NCOR2: variants seen among roughly 807,000 people sequenced by gnomAD.
The protein encoded by NCOR2 is nuclear receptor corepressor 2.
A neutral mutation model predicts 262.9 loss-of-function variants in NCOR2; 81 were observed. That is an observed-to-expected ratio of 0.31 (90% CI 0.26 to 0.37). NCOR2 has a LOEUF of 0.37. NCOR2 is among the 10% of genes least tolerant of loss of function. NCOR2 has a pLI of 1.00. For missense variants in NCOR2, 3,385 were observed against 3,621.4 expected (o/e 0.93, Z 1.68); for synonymous variants, 1,659 against 1,559.3 (o/e 1.06, Z -1.51).
rs556019337 is a variant in NCOR2, at chr12:124,358,010, A to G, written c.3101-1228T>C. 3.1e-5 allele frequency among the ~76,000 whole-genome samples: 4 copies of G among 129,444 alleles called. No homozygotes were observed. In the East Asian group the frequency reaches 7.6e-4, roughly 24 times the overall value. 84.9% of individuals were successfully genotyped at this position (129,444 alleles called of 152,430 possible). ...GGTAACCTGTGGTGTGTGTGTGTGC[A>G]CACGTGCGTGCATGTGTGTGTGAGT... is the stretch of plus-strand genomic sequence containing the variant. On this transcript the variant is annotated intron_variant, in intron 22 of 46. Coordinates refer to ENST00000405201, the Ensembl canonical transcript of NCOR2.
intron 37 of NCOR2, 105 bp downstream of exon 39, chr12:124,339,901 A>ACCCCC: frequency 4.3e-4 from 81 of 186,850 alleles, no homozygotes; most frequent in Non-Finnish European, 5.9e-4. Context: ...CTGCCCACCC[A>ACCCCC]CCCACCTCCC....
chr12:124,379,848 C>T (rs935796450), intron 17 of NCOR2, among the ~76,000 whole-genome samples: 7 of 152,326 alleles, frequency 4.6e-5, no homozygotes, highest in Non-Finnish European at 7.3e-5. Context: ...TTCAGGGACA[C>T]GAAGGCCCTG....
chr12:124,342,542 G>A (rs1378768785), intron 33 of NCOR2, among the ~76,000 whole-genome samples: 9 of 152,020 alleles, frequency 5.9e-5, no homozygotes, highest in Admixed American at 5.9e-4. Context: ...GCTAGTTTTT[G>A]TATTTTTAGT....
chr12:124,343,092 C>G, exon 33 of NCOR2: 2 of 1,612,438 alleles, frequency 1.2e-6, no homozygotes, highest in Non-Finnish European at 1.7e-6. Flanking sequence ...CCACTCACGC[C>G]CCGAAGCAGG....
upstream of NCOR2, among the ~76,000 whole-genome samples, chr12:124,497,995 C>T (rs530489923): frequency 6.6e-6 from 1 of 152,340 alleles, no homozygotes. This position sits in a 1 kb window ranked among gnomAD's most constrained non-coding sequence, Gnocchi z 4.2. Flanking sequence ...TCAAAGTCTG[C>T]AGACCCTGGT....
At chr12:124,492,050 C>T (rs1593803375) in intron 1 of NCOR2, among the ~76,000 whole-genome samples, 1 of 152,336 alleles carries the variant, frequency 6.6e-6, no homozygotes, top group East Asian at 1.9e-4. Flanking sequence ...TGAAGCCTCC[C>T]ATTTGTGCTG....
intron 2 of NCOR2, 77 bp downstream of exon 4, chr12:124,486,364 C>G (rs1466525666): frequency 1.3e-6 from 2 of 1,576,752 alleles, no homozygotes; most frequent in East Asian, 2.3e-5. Flanking sequence ...TGCTCCTGCT[C>G]TGCCACGGGC....
chr12:124,363,684 G>C, exon 21 of NCOR2: 4 of 1,390,106 alleles, frequency 2.9e-6, no homozygotes, highest in Non-Finnish European at 2.8e-6. Context: ...CTCACGATGG[G>C]GGGGATGGCA....
At position 124,486,870 on chromosome 12, in the gene NCOR2, G is replaced by T. The variant is rs143982876; in HGVS notation, c.106-302C>A. 8.9e-3 allele frequency among the ~76,000 whole-genome samples: 1,359 copies of T among 152,342 alleles called. 19 individuals carry two copies. The highest frequency in any genetic ancestry group is 0.03 in the African/African-American group (1,258 of 41,582). ...TGAGACTGCCAAGCCTGGGAGGTCT[G>T]ATGGGGCTGTCTGAGGCCACAGGCT... On this transcript the variant is annotated intron_variant, in intron 1 of 46. Coordinates refer to ENST00000405201, the Ensembl canonical transcript of NCOR2.
rs532102262 is a variant in NCOR2 at position 124,503,118 on chromosome 12, G to A, written c.-117-7750C>T. 6.6e-6 allele frequency among the ~76,000 whole-genome samples: 1 copy of A among 152,378 alleles called. No homozygotes were observed. The highest frequency in any genetic ancestry group is 2.4e-5 in the African/African-American group (1 of 41,596). The stretch of plus-strand genomic sequence containing the variant: ...GCGGTCTGCCCTCCAGCTGAGACCA[G>A]GCAAGCCAAACCCATCCCAAACTCC... On this transcript the variant is annotated intron_variant, in intron 1 of 46. Coordinates refer to the NCOR2 transcript ENST00000404621. This position sits in a 1 kb window ranked among gnomAD's most constrained non-coding sequence, Gnocchi z 4.3.
At chr12:124,519,629 A>T (rs967473191) in intron 1 of NCOR2, among the ~76,000 whole-genome samples, 2 of 151,850 alleles carry the variant, frequency 1.3e-5, no homozygotes, top group Admixed American at 6.6e-5. Flanking sequence ...GGTCAGATGG[A>T]CTCTGGGCCT....
intron 23 of NCOR2, among the ~76,000 whole-genome samples, chr12:124,355,813 C>T (rs1489848251): frequency 6.6e-6 from 1 of 152,186 alleles, no homozygotes; most frequent in Admixed American, 6.5e-5. Flanking sequence ...CAAGCGCCCT[C>T]AACTCTCATC....
intron 1 of NCOR2, chr12:124,562,271 C>A (rs561426940): frequency 1.3e-5 from 2 of 152,322 alleles, no homozygotes; most frequent in East Asian, 3.9e-4. Context: ...GTGGCTAAAG[C>A]ACGGGACAGC....
At position 124,483,737 on chromosome 12, in the gene NCOR2, T is replaced by C; in HGVS notation, c.270A>G (p.Ser90=). 1 of 1,610,628 alleles carries C rather than the reference T, an allele frequency of 6.2e-7. No individual in the cohort carries two copies. Among genetic ancestry groups the C allele is most frequent in the South Asian group, 1.1e-5 (1 of 90,326 alleles). Residue 90 remains serine (S), a synonymous_variant, in exon 3 of 47, where the codon TCA becomes TCG. Coordinates refer to ENST00000405201, the Ensembl canonical transcript of NCOR2. This position sits in a 1 kb window ranked among gnomAD's most constrained non-coding sequence, Gnocchi z 6.3. ...CTGACTTCCCCAGCTCGGGCAGGTA[T>C]GAGTGGGACTCTGGCCGCAGGTGGA...
At chr12:124,564,324 C>A (rs937106745) in intron 1 of NCOR2, among the ~76,000 whole-genome samples, 5 of 152,186 alleles carry the variant, frequency 3.3e-5, no homozygotes, top group Admixed American at 2.0e-4. Context: ...CCTGGCTCTC[C>A]CCAGGCAGCA....
intron 27 of NCOR2, 97 bp from the exon 30 acceptor site, chr12:124,350,834 A>G: frequency 7.7e-7 from 1 of 1,299,846 alleles, no homozygotes; most frequent in African/African-American, 1.5e-5. Flanking sequence ...CCATGTGCCC[A>G]CCGATGCACA....
chr12:124,544,615 C>CATCCT (rs1351499937), intron 1 of NCOR2, among the ~76,000 whole-genome samples: 2 of 152,220 alleles, frequency 1.3e-5, no homozygotes, highest in Admixed American at 1.3e-4. Flanking sequence ...ACCCCCAGGA[C>CATCCT]ATCCTCCTCT....
At chr12:124,374,385 C>T (rs2039815709) in intron 19 of NCOR2, 28 bp downstream of exon 21, 1 of 1,609,828 alleles carries the variant, frequency 6.2e-7, no homozygotes, top group Non-Finnish European at 8.5e-7. Flanking sequence ...CCGGCCCTAC[C>T]CCCCAGGCCA....
intron 17 of NCOR2, among the ~76,000 whole-genome samples, chr12:124,379,754 T>C (rs530740570): frequency 1.6e-4 from 25 of 152,244 alleles, no homozygotes; most frequent in African/African-American, 5.8e-4. Context: ...GCATATGTCA[T>C]TAGTTAAGAT....
Sources: allele counts gnomAD v4.1 joint callset (sites outside exome capture counted in the v4.1 genomes callset), GRCh38; gene constraint gnomAD v4.1.1; non-coding constraint Gnocchi (gnomAD v3.1); transcripts MANE v1.5; gene names NCBI Gene and HGNC (gene_info 2026-07-23, HGNC 2026-07-21).